The following NAB1 variants were observed in gnomAD, a reference collection of about 807,000 sequenced individuals.
NAB1 encodes NGFI-A-binding protein 1.
Under a neutral mutation model 49.9 loss-of-function variants are expected in NAB1, and 25 were observed. That is an observed-to-expected ratio of 0.50 (90% CI 0.37 to 0.70). The LOEUF (loss-of-function observed/expected upper bound fraction) is 0.70. NAB1 is among the 30% of genes least tolerant of loss of function. The probability of loss-of-function intolerance (pLI) is 0.00; values close to 1 mark genes in which losing one functional copy is unlikely to be tolerated. For synonymous variants in NAB1, 198 were observed against 215.6 expected, an observed-to-expected ratio of 0.92 and a Z score of 0.71; for missense variants, 489 against 575.9, an observed-to-expected ratio of 0.85 and a Z score of 1.54.
intron 5 of NAB1, among the ~76,000 whole-genome samples, chr2:190,671,562 A>C (rs1429990048): frequency 1.3e-5 from 2 of 151,642 alleles, no homozygotes; most frequent in Non-Finnish European, 2.9e-5. Context: ...ATTATACACT[A>C]TTTTCTTTCT....
rs1694775184 is a variant in NAB1 at position 190,670,958 on chromosome 2, G to A, written c.953+499G>A. ...CTAGCACATGGGTTATGGAACACAA[G>A]TTTGAAATAAAACGTGATGTTAAAA... On this transcript the variant is annotated intron_variant, in intron 5 of 9. Transcript: ENST00000337386. This position sits in a 1 kb window ranked among gnomAD's most constrained non-coding sequence, Gnocchi z 5.3. Among the ~76,000 whole-genome samples the A allele has an allele frequency of 6.6e-6, 1 of 152,206 alleles. No individual in the cohort carries two copies. Among genetic ancestry groups the A allele is most frequent in the Non-Finnish European group, 1.5e-5 (1 of 68,028 alleles).
rs529148901 is a variant in NAB1, at chr2:190,682,116, G to A, written c.1006-1622G>A. ...AAAAAGAAAACCTTGAAAAAAGTAG[G>A]TGGAATACCAAGTATAAAATGGAAG... On this transcript the variant is annotated intron_variant, in intron 6 of 9. Coordinates refer to ENST00000337386, the MANE Select transcript of NAB1 (RefSeq NM_005966.4). The surrounding 1 kb of genome is among the most constrained non-coding windows in gnomAD (Gnocchi z 4.1). Among the ~76,000 whole-genome samples the A allele has an allele frequency of 3.9e-5, 6 of 152,266 alleles. No individual in the cohort carries two copies. The South Asian group carries it at 1.2e-3, about 32-fold the overall frequency.
In NAB1 at chr2:190,676,647, C is replaced by A. The variant is rs1202149515; in HGVS notation, c.1005+3495C>A. On this transcript the variant is annotated intron_variant, in intron 6 of 9. Transcript: ENST00000337386. This position sits in a 1 kb window ranked among gnomAD's most constrained non-coding sequence, Gnocchi z 4.6. The stretch of plus-strand genomic sequence containing the variant: ...AGGTGGGAGAATCACTGCCCCACTG[C>A]ACTCCAGCCCGGGCAACAGAGCACA... Among the ~76,000 whole-genome samples, 2 of 152,292 alleles carry A rather than the reference C, an allele frequency of 1.3e-5. No homozygotes were observed. Among genetic ancestry groups the A allele is most frequent in the African/African-American group, 2.4e-5 (1 of 41,546 alleles).
In NAB1 at chr2:190,651,588, C is replaced by T. The variant is rs1220049638; in HGVS notation, c.-197+1606C>T. On this transcript the variant is annotated intron_variant, in intron 2 of 9. Coordinates refer to ENST00000337386, the MANE Select transcript of NAB1 (RefSeq NM_005966.4). This position sits in a 1 kb window ranked among gnomAD's most constrained non-coding sequence, Gnocchi z 4.3. ...ATAGACATGGGGTCTCGCTGTGTTG[C>T]CCAGGTTGGCCTCAAACTCCTGGGG... Among the ~76,000 whole-genome samples, 1 of 152,082 alleles carries T rather than the reference C, an allele frequency of 6.6e-6. No homozygotes were observed. The highest frequency in any genetic ancestry group is 2.4e-5 in the African/African-American group (1 of 41,404).
chr2:190,678,163 T>G lies in NAB1; in HGVS notation c.1005+5011T>G, dbSNP rs116866344. On this transcript the variant is annotated intron_variant, in intron 6 of 9. Transcript: ENST00000337386. This position sits in a 1 kb window ranked among gnomAD's most constrained non-coding sequence, Gnocchi z 4.9. Reference sequence around the variant, plus strand: ...GTAAATCAGAAAAATTAGTTTGATTTCCTTATGTCCTACCTATGAAAGAAC... The same window carrying G: ...GTAAATCAGAAAAATTAGTTTGATTGCCTTATGTCCTACCTATGAAAGAAC... Among the ~76,000 whole-genome samples the G allele has an allele frequency of 7.2e-3, 1,099 of 152,318 alleles. 5 individuals carry two copies. Among genetic ancestry groups the G allele is most frequent in the Middle Eastern group, 0.031 (9 of 294 alleles).
At chr2:190,688,796 C>CTTTCT (rs895233687) in intron 9 of NAB1, among the ~76,000 whole-genome samples, 7 of 150,912 alleles carry the variant, frequency 4.6e-5, no homozygotes, top group Non-Finnish European at 8.9e-5. Flanking sequence ...TCTTTCCTTC[C>CTTTCT]TTTCTTTCCT....
In NAB1 at chr2:190,685,683, C is replaced by A; in HGVS notation, c.1258+45C>A. Reference sequence around the variant, plus strand: ...TATGCCTTTAGGGCCACTATGTGCACTTCAAAGAGAAACAGAAGACAGTGG... The same window carrying A: ...TATGCCTTTAGGGCCACTATGTGCAATTCAAAGAGAAACAGAAGACAGTGG... On this transcript the variant is annotated intron_variant, in intron 8 of 9. Coordinates refer to ENST00000337386, the MANE Select transcript of NAB1 (RefSeq NM_005966.4). This position sits in a 1 kb window ranked among gnomAD's most constrained non-coding sequence, Gnocchi z 4.5. The A allele has an allele frequency of 7.3e-7, 1 of 1,370,820 alleles. No individual in the cohort carries two copies. Among genetic ancestry groups the A allele is most frequent in the Non-Finnish European group, 9.6e-7 (1 of 1,044,762 alleles). 84.9% of individuals were successfully genotyped at this position (1,370,820 alleles called of 1,614,324 possible). A position where few individuals can be genotyped will look rare whatever the true frequency, so the allele number is the denominator to read the frequency against.
intron 3 of NAB1, among the ~76,000 whole-genome samples, chr2:190,658,106 G>A (rs1224392008): frequency 6.6e-6 from 1 of 152,176 alleles, no homozygotes; most frequent in African/African-American, 2.4e-5. Context: ...GTCTTGTTCT[G>A]TCTCTTTAAA....
intron 3 of NAB1, among the ~76,000 whole-genome samples, chr2:190,658,569 C>T (rs141375516): frequency 6.6e-6 from 1 of 152,216 alleles, no homozygotes; most frequent in Admixed American, 6.5e-5. Context: ...TCTACCTCTT[C>T]TTTCTTGATT....
At position 190,666,326 on chromosome 2, in the gene NAB1, G is replaced by T. The variant is rs1694516089; in HGVS notation, c.820-4000G>T. Among the ~76,000 whole-genome samples, 1 of 152,066 alleles carries T rather than the reference G, an allele frequency of 6.6e-6. No homozygotes were observed. The highest frequency in any genetic ancestry group is 6.6e-5 in the Admixed American group (1 of 15,266). Reference sequence around the variant, plus strand: ...ATAATTTTAACAACCTGTAAAGAAAGTTTTTTTAGGAATCAGTAAACCACT... The same window carrying T: ...ATAATTTTAACAACCTGTAAAGAAATTTTTTTTAGGAATCAGTAAACCACT... On this transcript the variant is annotated intron_variant, in intron 4 of 9. Transcript: ENST00000337386. This position sits in a 1 kb window ranked among gnomAD's most constrained non-coding sequence, Gnocchi z 5.6.
rs1346216320 is a variant in NAB1, at chr2:190,666,326, G to GT, written c.820-3993dup. Among the ~76,000 whole-genome samples, 1 of 152,066 alleles carries GT rather than the reference G, an allele frequency of 6.6e-6. No individual in the cohort carries two copies. Among genetic ancestry groups the GT allele is most frequent in the East Asian group, 1.9e-4 (1 of 5,198 alleles). On this transcript the variant is annotated intron_variant, in intron 4 of 9. Transcript: ENST00000337386. This position sits in a 1 kb window ranked among gnomAD's most constrained non-coding sequence, Gnocchi z 5.6. ...ATAATTTTAACAACCTGTAAAGAAA[G>GT]TTTTTTTAGGAATCAGTAAACCACT...
intron 4 of NAB1, among the ~76,000 whole-genome samples, chr2:190,662,579 A>G (rs1380898672): frequency 6.6e-6 from 1 of 152,214 alleles, no homozygotes; most frequent in Non-Finnish European, 1.5e-5. Flanking sequence ...GCAATGTTGC[A>G]TCTATCATAA....
Position 190,669,058 on chromosome 2 carries a change from C to G in NAB1, c.820-1268C>G, listed in dbSNP as rs957331506. Among the ~76,000 whole-genome samples the G allele has an allele frequency of 5.3e-5, 8 of 152,174 alleles. No individual in the cohort carries two copies. Among genetic ancestry groups the G allele is most frequent in the African/African-American group, 1.9e-4 (8 of 41,436 alleles). The stretch of plus-strand genomic sequence containing the variant: ...AACTGGAATATGAGCACTGAGATAT[C>G]AGAAGAGTCCATCTGTTGACTGAGA... On this transcript the variant is annotated intron_variant, in intron 4 of 9. Transcript: ENST00000337386. The surrounding 1 kb of genome is among the most constrained non-coding windows in gnomAD (Gnocchi z 4.3).
intron 9 of NAB1, 51 bp downstream of exon 9, chr2:190,687,368 T>C (rs1172186471): frequency 3.4e-6 from 3 of 880,022 alleles, no homozygotes; most frequent in Admixed American, 3.0e-5. Flanking sequence ...AAAGCATCTT[T>C]AAATTCTGTT....
intron 6 of NAB1, 61 bp from the exon 7 acceptor site, chr2:190,683,677 T>C: frequency 8.1e-7 from 1 of 1,232,604 alleles, no homozygotes; most frequent in Non-Finnish European, 1.2e-6. Flanking sequence ...TTTTCAAGTT[T>C]TTGATAATAT....
At position 190,675,424 on chromosome 2, in the gene NAB1, T is replaced by C. The variant is rs1162163831; in HGVS notation, c.1005+2272T>C. 6.6e-6 allele frequency among the ~76,000 whole-genome samples: 1 copy of C among 152,226 alleles called. No individual in the cohort carries two copies. The highest frequency in any genetic ancestry group is 2.4e-5 in the African/African-American group (1 of 41,460). On this transcript the variant is annotated intron_variant, in intron 6 of 9. Transcript: ENST00000337386. The surrounding 1 kb of genome is among the most constrained non-coding windows in gnomAD (Gnocchi z 5.2). ...TCAGAGGCCTTGTATTTCATTACAG[T>C]GCTTTCAGTTTCTTATTAGAAGCAC... is the stretch of plus-strand genomic sequence containing the variant.
Position 190,677,109 on chromosome 2 carries a change from A to G in NAB1, c.1005+3957A>G, listed in dbSNP as rs935318120. On this transcript the variant is annotated intron_variant, in intron 6 of 9. Transcript: ENST00000337386. This position sits in a 1 kb window ranked among gnomAD's most constrained non-coding sequence, Gnocchi z 5.6. ...ATGAAGGCTTGGGTGGAATGAAGTT[A>G]TAATTCATTGACTTGTCTGATTTTT... is the stretch of plus-strand genomic sequence containing the variant. 8 of 152,178 alleles carry G rather than the reference A, an allele frequency of 5.3e-5. No homozygotes were observed. Among genetic ancestry groups the G allele is most frequent in the African/African-American group, 1.9e-4 (8 of 41,438 alleles). The allele number at this position is 152,178 out of a possible 1,614,324, so 9.4% of individuals were successfully genotyped here. A position where few individuals can be genotyped will look rare whatever the true frequency, so the allele number is the denominator to read the frequency against.
intron 4 of NAB1, among the ~76,000 whole-genome samples, chr2:190,665,843 G>A (rs1168386692): frequency 1.3e-5 from 2 of 152,148 alleles, no homozygotes; most frequent in Non-Finnish European, 2.9e-5. Context: ...GGGTACAGAC[G>A]TATTTCTAAT....
intron 4 of NAB1, among the ~76,000 whole-genome samples, chr2:190,661,475 TAGC>T (rs1215527192): frequency 1.3e-5 from 2 of 152,194 alleles, no homozygotes; most frequent in East Asian, 3.8e-4. Context: ...TTTTAAAACA[TAGC>T]AGATGAAATA....
Sources: gnomAD v4.1 joint callset for allele counts (sites outside exome capture counted in the v4.1 genomes callset) on GRCh38, gnomAD v4.1.1 for gene constraint, Gnocchi (gnomAD v3.1) non-coding constraint, MANE v1.5 for transcripts, NCBI Gene and HGNC (gene_info 2026-07-23, HGNC 2026-07-21) for gene names.